Variants in TOX2 observed in about 807,000 individuals in gnomAD.
TOX2 encodes the protein TOX high mobility group box family member 2.
Under a neutral mutation model 47.4 loss-of-function variants are expected in TOX2, and 15 were observed. The observed-to-expected ratio is 0.32, with a 90% CI of 0.21 to 0.49. The LOEUF (loss-of-function observed/expected upper bound fraction) is 0.49. Ranked by LOEUF, TOX2 falls within the 20% of genes least tolerant of loss-of-function variation. The probability of loss-of-function intolerance (pLI) is 0.99; values close to 1 mark genes in which losing one functional copy is unlikely to be tolerated. For missense variants in TOX2, 622 were observed against 673.1 expected, an observed-to-expected ratio of 0.92 and a Z score of 0.84; for synonymous variants, 290 against 296.6, an observed-to-expected ratio of 0.98 and a Z score of 0.23.
intron 3 of TOX2, among the ~76,000 whole-genome samples, chr20:44,008,522 T>C (rs1417313214): frequency 6.6e-6 from 1 of 151,506 alleles, no homozygotes. Context: ...ATGGTGCCAC[T>C]GCACTCCAGC....
intron 2 of TOX2, among the ~76,000 whole-genome samples, chr20:43,989,482 A>C (rs999948732): frequency 6.6e-6 from 1 of 152,080 alleles, no homozygotes; most frequent in Middle Eastern, 3.2e-3. Context: ...TTAATTTTAA[A>C]AACAGCATAT....
chr20:43,959,547 C>T (rs956336525), intron 1 of TOX2, among the ~76,000 whole-genome samples: 6 of 152,202 alleles, frequency 3.9e-5, no homozygotes, highest in Admixed American at 2.6e-4. Context: ...CTTTTTGAAC[C>T]GCTCCAAGAT....
chr20:43,965,694 C>T (rs2069839628), intron 1 of TOX2, among the ~76,000 whole-genome samples: 1 of 152,198 alleles, frequency 6.6e-6, no homozygotes, highest in Non-Finnish European at 1.5e-5. Context: ...ACAACAAAGG[C>T]ACTGCCTGGT....
At chr20:43,961,485 C>A (rs977009746) in intron 1 of TOX2, among the ~76,000 whole-genome samples, 1 of 152,224 alleles carries the variant, frequency 6.6e-6, no homozygotes, top group East Asian at 1.9e-4. Flanking sequence ...AGAGGCCTTA[C>A]CCATCATGGT....
intron 5 of TOX2, among the ~76,000 whole-genome samples, chr20:44,055,091 A>G (rs1262854604): frequency 6.6e-6 from 1 of 152,180 alleles, no homozygotes; most frequent in African/African-American, 2.4e-5. Context: ...CTGAATCCTT[A>G]CAACACCCTG....
chr20:44,033,643 G>A (rs76246894), intron 3 of TOX2, among the ~76,000 whole-genome samples: 6,468 of 151,600 alleles, frequency 0.043, 215 homozygotes, highest in Non-Finnish European at 0.066. Flanking sequence ...GTCATGTGAT[G>A]TGGGGCCACA....
intron 1 of TOX2, among the ~76,000 whole-genome samples, chr20:43,917,807 G>A (rs2069074341): frequency 6.6e-6 from 1 of 152,110 alleles, no homozygotes; most frequent in South Asian, 2.1e-4. Flanking sequence ...CACAATATTA[G>A]CATGCATTAG....
chr20:43,920,186 C>T (rs1044133280), intron 1 of TOX2, among the ~76,000 whole-genome samples: 3 of 152,206 alleles, frequency 2.0e-5, no homozygotes, highest in African/African-American at 7.2e-5. Context: ...GTGCCTGACT[C>T]ATAATTGCTC....
intron 1 of TOX2, among the ~76,000 whole-genome samples, chr20:43,927,659 C>CTTCCTTCCTTTCTTCCTTCCTTCCTT (rs1188079764): frequency 8.9e-6 from 1 of 112,776 alleles, no homozygotes; most frequent in African/African-American, 5.0e-5. Flanking sequence ...CCTTCCCTTC[C>CTTCCTTCCTTTCTTCCTTCCTTCCTT]CCTTCCTTCC....
At position 44,009,661 on chromosome 20, in the gene TOX2, C is replaced by T. The variant is rs57797117; in HGVS notation, c.411+2869C>T. Among the ~76,000 whole-genome samples, 481 of 152,300 alleles carry T rather than the reference C, an allele frequency of 3.2e-3. 4 individuals carry two copies. In the East Asian group the frequency reaches 0.037, roughly 12 times the overall value. ...CATGCTTAGCGTTTCAGTAATGGAA[C>T]ACTAGGCATAAATGGGTTTCCAGTT... On this transcript the variant is annotated intron_variant, in intron 3 of 8. Coordinates refer to ENST00000341197, the MANE Select transcript of TOX2 (RefSeq NM_001098797.2).
At chr20:43,956,834 C>A (rs2069677157) in intron 1 of TOX2, among the ~76,000 whole-genome samples, 1 of 152,130 alleles carries the variant, frequency 6.6e-6, no homozygotes, top group Admixed American at 6.5e-5. Context: ...AATCAGGTGT[C>A]CCTTTTTTCC....
chr20:43,926,505 A>T (rs2069169873), intron 1 of TOX2, among the ~76,000 whole-genome samples: 1 of 152,136 alleles, frequency 6.6e-6, no homozygotes, highest in African/African-American at 2.4e-5. Context: ...TGGGAGAGCA[A>T]GTAAGTCTTC....
chr20:43,970,410 G>T (rs1348470305), intron 1 of TOX2, among the ~76,000 whole-genome samples: 2 of 152,170 alleles, frequency 1.3e-5, no homozygotes, highest in Non-Finnish European at 2.9e-5. Flanking sequence ...GCAGATGTTG[G>T]CCCCTGCCTT....
At chr20:43,925,386 C>G (rs1325090369) in intron 1 of TOX2, among the ~76,000 whole-genome samples, 3 of 152,028 alleles carry the variant, frequency 2.0e-5, no homozygotes, top group Non-Finnish European at 2.9e-5. Context: ...GACTCTATTG[C>G]GGTGTGGGAT....
chr20:43,997,734 A>C (rs1196303375), intron 2 of TOX2, among the ~76,000 whole-genome samples: 2 of 152,316 alleles, frequency 1.3e-5, no homozygotes, highest in East Asian at 3.9e-4. Context: ...TTGTCTTCTA[A>C]TAAATTCATT....
chr20:44,012,925 G>A (rs2070803995), intron 3 of TOX2, among the ~76,000 whole-genome samples: 1 of 152,242 alleles, frequency 6.6e-6, no homozygotes, highest in South Asian at 2.1e-4. Flanking sequence ...TGCACACACA[G>A]GGCTAGGGGC....
chr20:43,952,838 C>A (rs893619186), intron 1 of TOX2, among the ~76,000 whole-genome samples: 3 of 152,122 alleles, frequency 2.0e-5, no homozygotes, highest in African/African-American at 7.2e-5. Flanking sequence ...TGAATAATGA[C>A]CCCTAAGTAT....
At chr20:44,037,727 G>A (rs111311020) in intron 3 of TOX2, among the ~76,000 whole-genome samples, 7 of 152,142 alleles carry the variant, frequency 4.6e-5, no homozygotes, top group South Asian at 4.2e-4. Context: ...AAACAAAGAC[G>A]TTGGGATCTA....
In TOX2 at chr20:44,054,485, G is replaced by T; in HGVS notation, c.838G>T (p.Val280Leu). The change falls in exon 5 of 9, where the codon GTG (valine) becomes TTG (leucine). Residue 280 changes from valine to leucine, a missense_variant. Val to Leu is a conservative substitution (Grantham distance 32). Coordinates refer to ENST00000341197, the MANE Select transcript of TOX2 (RefSeq NM_001098797.2). ...SATFGDVSKI[V>L]ASMWDSLGEE... ...CACTTTCGGTGACGTGTCCAAAATC[G>T]TGGCCTCCATGTGGGACAGCCTGGG... 6.2e-7 allele frequency: 1 copy of T among 1,613,980 alleles called. No individual in the cohort carries two copies. The highest frequency in any genetic ancestry group is 1.1e-5 in the South Asian group (1 of 91,042).
Sources: allele counts gnomAD v4.1 joint callset (sites outside exome capture counted in the v4.1 genomes callset), GRCh38; gene constraint gnomAD v4.1.1; transcripts MANE v1.5; gene names NCBI Gene and HGNC (gene_info 2026-07-23, HGNC 2026-07-21).